The following TTC39C variants were observed in gnomAD, a reference collection of about 807,000 sequenced individuals.
The protein encoded by TTC39C is tetratricopeptide repeat protein 39C.
Under a neutral mutation model 76.3 loss-of-function variants are expected in TTC39C, and 33 were observed. That is an observed-to-expected ratio of 0.43 (90% CI 0.33 to 0.58). The LOEUF (loss-of-function observed/expected upper bound fraction) is 0.58, where lower values mean the gene tolerates loss of function less well. Among genes scored for constraint, TTC39C ranks in the 20% least tolerant of loss-of-function variants. TTC39C has a pLI of 0.04. For synonymous variants in TTC39C, 254 were observed against 260.6 expected (o/e 0.97, Z 0.24); for missense variants, 595 against 701.4 (o/e 0.85, Z 1.71).
At chr18:24,105,571 C>T (rs2084736536) in intron 6 of TTC39C, among the ~76,000 whole-genome samples, 1 of 152,236 alleles carries the variant, frequency 6.6e-6, no homozygotes, top group African/African-American at 2.4e-5. Context: ...CCACCTTCGT[C>T]ACCTGTGAGA....
chr18:24,023,947 C>CTATATCTATATCTATATCTAT, intron 1 of TTC39C, among the ~76,000 whole-genome samples: 1 of 64,034 alleles, frequency 1.6e-5, no homozygotes, highest in East Asian at 6.4e-4. Flanking sequence ...TATATATATG[C>CTATATCTATATCTATATCTAT]ATGTATATAT....
chr18:24,008,924 T>A (rs987122112), intron 1 of TTC39C, among the ~76,000 whole-genome samples: 16 of 152,154 alleles, frequency 1.1e-4, no homozygotes, highest in Admixed American at 5.9e-4. Context: ...CTGGAGGACA[T>A]CATCCTTAGC....
intron 1 of TTC39C, among the ~76,000 whole-genome samples, chr18:24,047,860 C>T (rs1266432297): frequency 6.6e-6 from 1 of 152,088 alleles, no homozygotes; most frequent in South Asian, 2.1e-4. Context: ...AATATATGAA[C>T]CTGATGTGAG....
intron 1 of TTC39C, among the ~76,000 whole-genome samples, chr18:24,023,171 G>A (rs1232039119): frequency 1.3e-5 from 2 of 152,142 alleles, no homozygotes; most frequent in East Asian, 1.9e-4. Flanking sequence ...TGAAAGCCTT[G>A]TTCCTCATCA....
At chr18:24,125,629 C>T (rs553412871) in intron 10 of TTC39C, 79 bp downstream of exon 10, 391 of 1,559,680 alleles carry the variant, frequency 2.5e-4, no homozygotes, top group Non-Finnish European at 3.2e-4. Context: ...TTCAGTTTCC[C>T]GTTTATTTCA....
intron 6 of TTC39C, among the ~76,000 whole-genome samples, chr18:24,087,921 C>T (rs925590211): frequency 6.6e-6 from 1 of 152,160 alleles, no homozygotes; most frequent in East Asian, 1.9e-4. Flanking sequence ...GAAATCTGGG[C>T]CTAGCACAGG....
chr18:24,069,133 G>A, intron 3 of TTC39C, 24 bp from the exon 4 acceptor site: 1 of 1,555,730 alleles, frequency 6.4e-7, no homozygotes, highest in Non-Finnish European at 8.9e-7. Context: ...ATTTATCAGT[G>A]TGGACATTCT....
intron 1 of TTC39C, among the ~76,000 whole-genome samples, chr18:24,040,732 C>T (rs773397204): frequency 4.6e-5 from 7 of 152,206 alleles, no homozygotes; most frequent in South Asian, 2.1e-4. Flanking sequence ...GCATCTAGCG[C>T]GCTCTCTCTC....
At chr18:24,065,895 C>A in intron 2 of TTC39C, 117 bp from the exon 3 acceptor site, 1 of 1,088,840 alleles carries the variant, frequency 9.2e-7, no homozygotes, top group Non-Finnish European at 1.3e-6. Context: ...CATTGTGATT[C>A]TTTTGCTTGC....
At chr18:24,033,735 C>T (rs2083701074) in intron 1 of TTC39C, among the ~76,000 whole-genome samples, 2 of 152,226 alleles carry the variant, frequency 1.3e-5, no homozygotes, top group African/African-American at 4.8e-5. Context: ...GGCCACAAAT[C>T]ATTATGTATG....
chr18:24,056,928 C>T (rs1488815935), intron 1 of TTC39C, among the ~76,000 whole-genome samples: 1 of 152,112 alleles, frequency 6.6e-6, no homozygotes, highest in Non-Finnish European at 1.5e-5. Context: ...AGCAATCCTC[C>T]TGCCTCAGCC....
At chr18:24,092,710 T>G (rs1469692990) in intron 6 of TTC39C, among the ~76,000 whole-genome samples, 3 of 152,174 alleles carry the variant, frequency 2.0e-5, no homozygotes, top group African/African-American at 7.2e-5. Context: ...GATTATTGCT[T>G]GCTTCAGTGT....
At chr18:24,116,491 G>A (rs1167572624) in intron 7 of TTC39C, among the ~76,000 whole-genome samples, 2 of 152,184 alleles carry the variant, frequency 1.3e-5, no homozygotes, top group African/African-American at 2.4e-5. Flanking sequence ...AGGTTGCAGT[G>A]ACCTGAGATC....
chr18:24,065,953 G>A (rs2084160636), intron 2 of TTC39C, 59 bp from the exon 3 acceptor site: 1 of 1,474,534 alleles, frequency 6.8e-7, no homozygotes, highest in Non-Finnish European at 9.0e-7. Flanking sequence ...CTTGTAATAA[G>A]TTGGCTTAAA....
chr18:24,057,464 CCTT>C (rs1029405727), intron 1 of TTC39C, among the ~76,000 whole-genome samples: 7 of 152,084 alleles, frequency 4.6e-5, no homozygotes, highest in African/African-American at 1.7e-4. Context: ...CCTTTGGGCT[CCTT>C]CTTAAATTGA....
intron 10 of TTC39C, 108 bp downstream of exon 10, chr18:24,125,658 CAGG>C: frequency 6.9e-7 from 1 of 1,440,028 alleles, no homozygotes; most frequent in Non-Finnish European, 9.5e-7. Flanking sequence ...TCATCGGAGT[CAGG>C]GAGAGTACAC....
intron 1 of TTC39C, among the ~76,000 whole-genome samples, chr18:24,050,923 C>T (rs1037142318): frequency 6.6e-6 from 1 of 151,052 alleles, no homozygotes; most frequent in African/African-American, 2.4e-5. Flanking sequence ...TGTTGTTGAA[C>T]TTGTCTGTAT....
chr18:24,035,697 A>G lies in TTC39C; in HGVS notation c.167+20659A>G, dbSNP rs139588295. ...ATATTAACTCCTTATCTAACGTATA[A>G]TTTTCAGACATTTCCCCCCCCATTC... On this transcript the variant is annotated intron_variant, in intron 1 of 13. Transcript: ENST00000317571. 6.4e-3 allele frequency among the ~76,000 whole-genome samples: 616 copies of G among 96,178 alleles called. 2 individuals are homozygous for G. Among genetic ancestry groups the G allele is most frequent in the African/African-American group, 0.017 (588 of 33,774 alleles). The allele number at this position is 96,178 out of a possible 152,430, so 63.1% of individuals were successfully genotyped here.
intron 1 of TTC39C, among the ~76,000 whole-genome samples, chr18:24,061,532 A>G (rs1165316389): frequency 5.5e-5 from 8 of 145,898 alleles, no homozygotes; most frequent in African/African-American, 2.0e-4. Flanking sequence ...AGACACATGC[A>G]TGGTCCACAA....
Sources: gnomAD v4.1 joint callset for allele counts (sites outside exome capture counted in the v4.1 genomes callset) on GRCh38, gnomAD v4.1.1 for gene constraint, MANE v1.5 for transcripts, NCBI Gene and HGNC (gene_info 2026-07-23, HGNC 2026-07-21) for gene names.